The following TOP2A variants were observed in gnomAD, a reference collection of about 807,000 sequenced individuals.
The protein encoded by TOP2A is DNA topoisomerase 2-alpha.
In TOP2A, 68 loss-of-function variants were observed where a neutral mutation model predicts 187.2. The observed-to-expected ratio is 0.36, with a 90% CI of 0.30 to 0.44. The LOEUF is 0.44. Ranked by LOEUF, TOP2A falls within the 20% of genes least tolerant of loss-of-function variation. The probability of loss-of-function intolerance (pLI) is 1.00; values close to 1 mark genes in which losing one functional copy is unlikely to be tolerated. For missense variants in TOP2A, 1,196 were observed against 1,808.7 expected, an observed-to-expected ratio of 0.66 and a Z score of 6.14; for synonymous variants, 542 against 593.2, an observed-to-expected ratio of 0.91 and a Z score of 1.25.
In TOP2A at chr17:40,400,979, A is replaced by C; in HGVS notation, c.2535T>G (p.Ile845Met). 1.2e-6 allele frequency: 2 copies of C among 1,613,994 alleles called. No homozygotes were observed. Among genetic ancestry groups the C allele is most frequent in the Non-Finnish European group, 8.5e-7 (1 of 1,179,892 alleles). The change falls in exon 21 of 35, where the codon ATT (isoleucine) becomes ATG (methionine). Residue 845 changes from isoleucine (I) to methionine (M), a missense_variant. This residue lies in a region of TOP2A where 209 missense variants were observed against 376.9 expected (regional missense o/e 0.55). Transcript: ENST00000423485. ...CAGCACCATTTATCAGCACCATGGG[A>C]ATAATAGGAATGTACCATTCAGGCT... Reference protein sequence around the residue: ...RVEPEWYIPIIPMVLINGAEG... With the variant: ...RVEPEWYIPIMPMVLINGAEG...
intron 20 of TOP2A, among the ~76,000 whole-genome samples, chr17:40,401,957 T>G (rs2143652226): frequency 6.6e-6 from 1 of 152,358 alleles, no homozygotes; most frequent in Non-Finnish European, 1.5e-5. Context: ...CTTTAGATTT[T>G]ACTCTGAGCA....
chr17:40,410,669 G>A (rs1446418403), intron 10 of TOP2A: 2 of 455,604 alleles, frequency 4.4e-6, no homozygotes, highest in East Asian at 1.4e-4. Flanking sequence ...GGAAATAAAG[G>A]AAGGCTCCCA....
rs2035033684 is a variant in TOP2A, at chr17:40,392,311, G to A, written c.3995C>T (p.Ser1332Leu). The change falls in exon 31 of 35, where the codon TCA becomes TTA. Residue 1332 changes from serine (S) to leucine (L), a missense_variant. By Grantham distance (145) the Ser-to-Leu change is moderately radical. Coordinates refer to ENST00000423485, the MANE Select transcript of TOP2A (RefSeq NM_001067.4). ...TKTKFTMDLD[S>L]DEDFSDFDEK... ...ATCAAAATCTGAGAAATCTTCATCT[G>A]AATCCAAATCCATTGTGAATTTTGT... The A allele has an allele frequency of 1.9e-6, 3 of 1,599,814 alleles. No individual in the cohort carries two copies. Among genetic ancestry groups the A allele is most frequent in the Non-Finnish European group, 1.7e-6 (2 of 1,172,402 alleles).
chr17:40,416,556 CA>C (rs771726723), intron 2 of TOP2A, 44 bp from the exon 3 acceptor site: 11 of 1,492,582 alleles, frequency 7.4e-6, no homozygotes, highest in Non-Finnish European at 9.3e-6. Context: ...ATTCTATATT[CA>C]TTGTTCTGTT....
rs748669887 is a variant in TOP2A at position 40,411,254 on chromosome 17, A to G, written c.1066-8T>C. 6.2e-7 allele frequency: 1 copy of G among 1,612,704 alleles called. No homozygotes were observed. Among genetic ancestry groups the G allele is most frequent in the South Asian group, 1.1e-5 (1 of 90,652 alleles). On this transcript the variant is annotated splice_region_variant and splice_polypyrimidine_tract_variant and intron_variant, in intron 9 of 34. Transcript: ENST00000423485. This position sits in a 1 kb window ranked among gnomAD's most constrained non-coding sequence, Gnocchi z 4.4. ...CCACATGTGATTTTTCACCTGCAAT[A>G]GAAGTTGATATTAAGCCACTAAAAA...
chr17:40,396,438 C>A lies in TOP2A; in HGVS notation c.3565G>T (p.Glu1189Ter). The change falls in exon 28 of 35, where the codon GAA becomes TAA. Residue 1189 changes from glutamate (E) to a stop codon, truncating the protein, a stop_gained. Transcript: ENST00000423485. LOFTEE classifies it high-confidence loss of function. The stretch of plus-strand genomic sequence containing the variant: ...CCTTTCCCAGGAAGTCCGACTTGTT[C>A]ATCTTGTTTTTCCTTGGCTTCAACA... ...EAVEAKEKQD[E>*]QVGLPGKGGK... 1 of 1,613,688 alleles carries A rather than the reference C, an allele frequency of 6.2e-7. No homozygotes were observed. Among genetic ancestry groups the A allele is most frequent in the Non-Finnish European group, 8.5e-7 (1 of 1,179,760 alleles).
At chr17:40,399,181 GA>G in intron 24 of TOP2A, 50 bp from the exon 25 acceptor site, 1 of 1,302,860 alleles carries the variant, frequency 7.7e-7, no homozygotes, top group Admixed American at 2.0e-5. Flanking sequence ...AATATTTTAG[GA>G]AGGGGATAAG....
chr17:40,395,216 A>C (rs1567782067), intron 29 of TOP2A, among the ~76,000 whole-genome samples: 1 of 151,048 alleles, frequency 6.6e-6, no homozygotes, highest in African/African-American at 2.4e-5. Flanking sequence ...CCAGGAGGTG[A>C]AGATTGCAGT....
chr17:40,411,597 C>T lies in TOP2A; in HGVS notation c.963+48G>A, dbSNP rs762715628. ...TTATATATTAAAAACAATAAGAACA[C>T]ATATATGTAAAGATAAATCATGATT... is the stretch of plus-strand genomic sequence containing the variant. On this transcript the variant is annotated intron_variant, in intron 8 of 34. Coordinates refer to ENST00000423485, the MANE Select transcript of TOP2A (RefSeq NM_001067.4). The surrounding 1 kb of genome is among the most constrained non-coding windows in gnomAD (Gnocchi z 4.4). 5 of 1,575,676 alleles carry T rather than the reference C, an allele frequency of 3.2e-6. No homozygotes were observed. Among genetic ancestry groups the T allele is most frequent in the Non-Finnish European group, 4.3e-6 (5 of 1,152,154 alleles).
intron 29 of TOP2A, among the ~76,000 whole-genome samples, 168 bp downstream of exon 29, chr17:40,395,281 C>CAAA (rs755789593): frequency 0.016 from 860 of 54,616 alleles, 9 homozygotes; most frequent in Non-Finnish European, 0.025. Flanking sequence ...GAAACTGTCT[C>CAAA]AAAAAAAAAA....
At chr17:40,393,214 G>A (rs2035048217) in intron 29 of TOP2A, among the ~76,000 whole-genome samples, 1 of 152,032 alleles carries the variant, frequency 6.6e-6, no homozygotes, top group Admixed American at 6.6e-5. Context: ...CCAGCCACTA[G>A]GGAGGCGGAG....
At chr17:40,392,137 C>A (rs777252252) in intron 31 of TOP2A, 26 bp from the exon 32 acceptor site, 3 of 1,609,196 alleles carry the variant, frequency 1.9e-6, no homozygotes, top group Admixed American at 3.4e-5. Flanking sequence ...AAAATCCTGA[C>A]AACCAATTCT....
intron 20 of TOP2A, among the ~76,000 whole-genome samples, chr17:40,402,296 G>A (rs2035191982): frequency 6.6e-6 from 1 of 152,230 alleles, no homozygotes; most frequent in Non-Finnish European, 1.5e-5. Context: ...AGACATAAAA[G>A]TTGGGAGTTC....
Position 40,411,691 on chromosome 17 carries a change from T to C in TOP2A, c.917A>G (p.Lys306Arg), listed in dbSNP as rs2035323748. ...RWEVCLTMSEKGFQQISFVNS... is the reference protein window; with the variant it reads ...RWEVCLTMSERGFQQISFVNS... ...GACAAAGCTAATTTGCTGAAAGCCT[T>C]TTTCACTCATAGTTAAACACACTTC... The change falls in exon 8 of 35, where the codon AAA (lysine) becomes AGA (arginine). Residue 306 changes from lysine (K) to arginine (R), a missense_variant. Lys to Arg is a conservative substitution (Grantham distance 26). Transcript: ENST00000423485. This position sits in a 1 kb window ranked among gnomAD's most constrained non-coding sequence, Gnocchi z 4.4. 2 of 1,612,232 alleles carry C rather than the reference T, an allele frequency of 1.2e-6. No individual in the cohort carries two copies. Among genetic ancestry groups the C allele is most frequent in the Non-Finnish European group, 1.7e-6 (2 of 1,179,438 alleles).
At chr17:40,399,548 C>T (rs1226791804) in intron 24 of TOP2A, among the ~76,000 whole-genome samples, 1 of 151,066 alleles carries the variant, frequency 6.6e-6, no homozygotes, top group Non-Finnish European at 1.5e-5. Flanking sequence ...TCTTCTCTGT[C>T]TCTTTTATTT....
rs2143666422 is a variant in TOP2A, at chr17:40,407,025, A to C, written c.1627-83T>G. 1.8e-5 allele frequency: 20 copies of C among 1,094,152 alleles called. No individual in the cohort carries two copies. In the South Asian group the frequency reaches 2.7e-4, roughly 15 times the overall value. 67.8% of individuals were successfully genotyped at this position (1,094,152 alleles called of 1,614,324 possible). On this transcript the variant is annotated intron_variant, in intron 13 of 34. Coordinates refer to ENST00000423485, the MANE Select transcript of TOP2A (RefSeq NM_001067.4). ...ACATCTGTAATCCCAGAACTTTGGG[A>C]GGCCGAGGCAGGCGGATCGCCTGAG...
chr17:40,400,458 A>G lies in TOP2A; in HGVS notation c.2800-49T>C, dbSNP rs772499501. On this transcript the variant is annotated intron_variant, in intron 22 of 34. Transcript: ENST00000423485. ...GTTTCTAAAATATAGGCTTCTGAAT[A>G]GTCAACAGCAATAGTACAAAAGGTA... 17 of 1,603,986 alleles carry G rather than the reference A, an allele frequency of 1.1e-5. No homozygotes were observed. In the South Asian group the frequency reaches 1.8e-4, roughly 17 times the overall value.
In TOP2A at chr17:40,417,752, T is replaced by TC. The variant is rs749402577; in HGVS notation, c.21+18dup. 14 of 1,605,214 alleles carry TC rather than the reference T, an allele frequency of 8.7e-6. No individual in the cohort carries two copies. Among genetic ancestry groups the TC allele is most frequent in the Non-Finnish European group, 6.8e-6 (8 of 1,177,012 alleles). On this transcript the variant is annotated intron_variant, in intron 1 of 34. Coordinates refer to ENST00000423485, the MANE Select transcript of TOP2A (RefSeq NM_001067.4). ...GGCCGCGCGGAGGCTCCACCGCCAG[T>TC]CCCCCCCGCGAGCCGTACCTGCAAT...
Position 40,417,761 on chromosome 17 carries a change from C to T in TOP2A, c.21+10G>A, listed in dbSNP as rs200124475. The T allele has an allele frequency of 6.3e-7, 1 of 1,595,648 alleles. No individual in the cohort carries two copies. Among genetic ancestry groups the T allele is most frequent in the South Asian group, 1.1e-5 (1 of 89,680 alleles). On this transcript the variant is annotated intron_variant, in intron 1 of 34. Transcript: ENST00000423485. Reference sequence around the variant, plus strand: ...GAGGCTCCACCGCCAGTCCCCCCCGCGAGCCGTACCTGCAATGGTGACACT... The same window carrying T: ...GAGGCTCCACCGCCAGTCCCCCCCGTGAGCCGTACCTGCAATGGTGACACT...
Sources: gnomAD v4.1 joint callset for allele counts (sites outside exome capture counted in the v4.1 genomes callset) on GRCh38, gnomAD v4.1.1 for gene constraint, gnomAD v4.1.1 regional missense constraint, Gnocchi (gnomAD v3.1) non-coding constraint, MANE v1.5 for transcripts, NCBI Gene and HGNC (gene_info 2026-07-23, HGNC 2026-07-21) for gene names.